Variants in ATL2 observed in about 807,000 individuals in gnomAD.
ATL2 encodes atlastin-2.
Under a neutral mutation model 73.9 loss-of-function variants are expected in ATL2, and 31 were observed. The ratio of observed to expected loss-of-function variants is 0.42; its 90% CI spans 0.32 to 0.57. The LOEUF (loss-of-function observed/expected upper bound fraction) is 0.57, where lower values mean the gene tolerates loss of function less well. Among genes scored for constraint, ATL2 ranks in the 20% least tolerant of loss-of-function variants. ATL2 has a pLI of 0.14. For synonymous variants in ATL2, 291 were observed against 237.5 expected (o/e 1.23, Z -2.07); for missense variants, 738 against 702.6 (o/e 1.05, Z -0.57).
chr2:38,296,320 T>C, intron 12 of ATL2: 1 of 1,446,636 alleles, frequency 6.9e-7, no homozygotes. Context: ...ATTCAAACCA[T>C]TTACAATTCC....
chr2:38,370,675 A>G (rs74944089), intron 1 of ATL2, among the ~76,000 whole-genome samples: 19,055 of 151,962 alleles, frequency 0.13, 3,517 homozygotes, highest in African/African-American at 0.41. Context: ...GCTGGGGCAG[A>G]AGAATCTCTT....
intron 2 of ATL2, among the ~76,000 whole-genome samples, chr2:38,326,621 A>G (rs1668677918): frequency 6.6e-6 from 1 of 152,240 alleles, no homozygotes; most frequent in Non-Finnish European, 1.5e-5. Context: ...GAAAATCTTG[A>G]AAGAAGCCAG....
At chr2:38,370,403 C>A (rs60416349) in intron 1 of ATL2, among the ~76,000 whole-genome samples, 4 of 137,802 alleles carry the variant, frequency 2.9e-5, no homozygotes, top group Non-Finnish European at 6.1e-5. Context: ...GAGCCAAGAT[C>A]GCGCCACTGC....
chr2:38,327,753 T>C (rs1668749797), intron 2 of ATL2, among the ~76,000 whole-genome samples: 1 of 152,178 alleles, frequency 6.6e-6, no homozygotes, highest in African/African-American at 2.4e-5. Context: ...CTGGCCAACA[T>C]GGGGAAACCC....
intron 2 of ATL2, among the ~76,000 whole-genome samples, chr2:38,328,405 A>G (rs898028919): frequency 2.0e-5 from 3 of 152,218 alleles, no homozygotes; most frequent in Non-Finnish European, 4.4e-5. Context: ...AACATTCACC[A>G]AGGTAGACCA....
intron 1 of ATL2, chr2:38,376,263 ATGAG>A (rs1448034566): frequency 1.4e-6 from 2 of 1,410,390 alleles, no homozygotes; most frequent in African/African-American, 1.4e-5. Flanking sequence ...TAGGGGTGTT[ATGAG>A]TGAGAGGGAT....
intron 1 of ATL2, among the ~76,000 whole-genome samples, chr2:38,369,987 T>TA (rs971708089): frequency 3.4e-5 from 5 of 148,416 alleles, no homozygotes; most frequent in East Asian, 4.1e-4. Flanking sequence ...CCGTCTCTAC[T>TA]AAAAAAAATA....
intron 1 of ATL2, among the ~76,000 whole-genome samples, chr2:38,367,649 T>TTTTTA (rs1671417783): frequency 6.7e-6 from 1 of 150,232 alleles, no homozygotes; most frequent in African/African-American, 2.4e-5. Flanking sequence ...TTTTTTTTTT[T>TTTTTA]GAGACGGAGT....
chr2:38,299,324 T>C lies in ATL2; in HGVS notation c.1132A>G (p.Thr378Ala). 1.3e-6 allele frequency: 2 copies of C among 1,514,068 alleles called. No homozygotes were observed. The highest frequency in any genetic ancestry group is 1.7e-6 in the Non-Finnish European group (2 of 1,144,264). The allele number at this position is 1,514,068 out of a possible 1,614,324, so 93.8% of individuals were successfully genotyped here. The change falls in exon 11 of 13, where the codon ACA becomes GCA. Residue 378 changes from threonine (T) to alanine (A), a missense_variant. Coordinates refer to ENST00000378954, the MANE Select transcript of ATL2 (RefSeq NM_001135673.4). Reference sequence around the variant, plus strand: ...GCAGCAAGATTATTAGCTTCAGCTGTTGCCTAAAAAATAAAATATGCCATT... The same window carrying C: ...GCAGCAAGATTATTAGCTTCAGCTGCTGCCTAAAAAATAAAATATGCCATT... ...LPHPKSMLQA[T>A]AEANNLAAVA...
intron 1 of ATL2, among the ~76,000 whole-genome samples, chr2:38,368,886 C>T (rs1305127668): frequency 6.6e-6 from 1 of 151,912 alleles, no homozygotes; most frequent in African/African-American, 2.4e-5. Flanking sequence ...CCCAGGAGTT[C>T]GAGACTAGCC....
In ATL2 at chr2:38,343,344, A is replaced by G; in HGVS notation, c.287T>C (p.Val96Ala). ...ACGAAAAGCTCCTGCCACAGATACC[A>G]CTACTATGTTAAGATCTCGTATGTG... ...QEHIRDLNIV[V>A]VSVAGAFRKG... The change falls in exon 2 of 13, where the codon GTG becomes GCG. Residue 96 changes from valine to alanine, a missense_variant. Val to Ala is a moderately conservative substitution (Grantham distance 64, BLOSUM62 0). Transcript: ENST00000378954. The G allele has an allele frequency of 6.2e-7, 1 of 1,611,206 alleles. No homozygotes were observed.
chr2:38,348,725 G>A (rs1410611524), intron 1 of ATL2, among the ~76,000 whole-genome samples: 2 of 151,134 alleles, frequency 1.3e-5, no homozygotes, highest in African/African-American at 2.4e-5. Flanking sequence ...TACCATCAGA[G>A]TGAACAGGCA....
chr2:38,315,482 A>G, intron 4 of ATL2, 148 bp from the exon 5 acceptor site: 4 of 804,456 alleles, frequency 5.0e-6, no homozygotes, highest in Non-Finnish European at 7.3e-6. Flanking sequence ...GACATGTGAA[A>G]AGGATTTTCT....
At chr2:38,297,931 G>C (rs529360314) in intron 12 of ATL2, 5 of 514,280 alleles carry the variant, frequency 9.7e-6, no homozygotes, top group Non-Finnish European at 1.7e-5. Flanking sequence ...CTATCCAGAG[G>C]ATAGTACAGA....
chr2:38,350,080 G>C (rs1002607510), intron 1 of ATL2, among the ~76,000 whole-genome samples: 1 of 152,168 alleles, frequency 6.6e-6, no homozygotes, highest in Non-Finnish European at 1.5e-5. Context: ...CTAGCATTTA[G>C]TGATTGCCTA....
At chr2:38,306,407 T>G (rs755280575) in intron 9 of ATL2, among the ~76,000 whole-genome samples, 13 of 152,224 alleles carry the variant, frequency 8.5e-5, no homozygotes, top group Non-Finnish European at 1.9e-4. Context: ...AGTATTACCC[T>G]GATACCAAAA....
At chr2:38,351,650 C>T (rs568503390) in intron 1 of ATL2, among the ~76,000 whole-genome samples, 10 of 152,088 alleles carry the variant, frequency 6.6e-5, no homozygotes, top group South Asian at 2.1e-4. Context: ...CCTGCCACCA[C>T]GCCTGGCTAA....
At chr2:38,357,683 T>C (rs911905328) in intron 1 of ATL2, among the ~76,000 whole-genome samples, 28 of 145,126 alleles carry the variant, frequency 1.9e-4, no homozygotes, top group Admixed American at 4.8e-4. Context: ...CCTCTAGAGA[T>C]ACTTTTTTAT....
chr2:38,373,961 G>C (rs551187299), intron 1 of ATL2, among the ~76,000 whole-genome samples: 2 of 152,076 alleles, frequency 1.3e-5, no homozygotes, highest in Non-Finnish European at 2.9e-5. Context: ...GCATGATCTC[G>C]GCTCACGGCA....
Sources: allele counts gnomAD v4.1 joint callset (sites outside exome capture counted in the v4.1 genomes callset), GRCh38; gene constraint gnomAD v4.1.1; transcripts MANE v1.5; gene names NCBI Gene and HGNC (gene_info 2026-07-23, HGNC 2026-07-21).